The following LRMDA variants were observed in gnomAD, a reference collection of about 807,000 sequenced individuals.
LRMDA encodes the protein leucine-rich melanocyte differentiation-associated protein.
LRMDA carries 18 observed loss-of-function variants against 29.8 expected under a neutral mutation model. That is an observed-to-expected ratio of 0.60 (90% confidence interval 0.42 to 0.90). The LOEUF is 0.90. Ranked by LOEUF, LRMDA falls within the 40% of genes least tolerant of loss-of-function variation. The pLI is 0.00. For synonymous variants in LRMDA, 125 were observed against 109.4 expected (o/e 1.14, Z -0.89); for missense variants, 273 against 273.9 (o/e 1.00, Z 0.02).
chr10:75,898,319 A>G (rs1268226090), intron 2 of LRMDA, among the ~76,000 whole-genome samples: 1 of 152,208 alleles, frequency 6.6e-6, no homozygotes, highest in Non-Finnish European at 1.5e-5. Flanking sequence ...AGGACCTGGT[A>G]AGGGAAAGGG....
At chr10:76,510,991 T>C (rs1051614191) in intron 6 of LRMDA, among the ~76,000 whole-genome samples, 2 of 152,230 alleles carry the variant, frequency 1.3e-5, no homozygotes, top group Admixed American at 6.5e-5. Context: ...CTACACTTGA[T>C]AAAGCAGGGA....
intron 3 of LRMDA, among the ~76,000 whole-genome samples, chr10:76,038,923 T>C (rs1465076050): frequency 6.6e-6 from 1 of 152,232 alleles, no homozygotes; most frequent in East Asian, 1.9e-4. Context: ...GGGTCAGTCA[T>C]GCAGCCACAT....
intron 2 of LRMDA, among the ~76,000 whole-genome samples, chr10:75,713,695 T>G (rs1308948157): frequency 2.0e-5 from 3 of 152,230 alleles, no homozygotes; most frequent in African/African-American, 7.2e-5. Context: ...TTATAAAGTT[T>G]GAGAGTCTTC....
At chr10:76,211,960 T>C (rs1344200245) in intron 5 of LRMDA, among the ~76,000 whole-genome samples, 3 of 152,186 alleles carry the variant, frequency 2.0e-5, no homozygotes, top group Non-Finnish European at 2.9e-5. Flanking sequence ...CTCAAGTTGC[T>C]GTCTCATCAC....
At chr10:76,297,742 T>C (rs1840429215) in intron 5 of LRMDA, among the ~76,000 whole-genome samples, 1 of 152,154 alleles carries the variant, frequency 6.6e-6, no homozygotes, top group South Asian at 2.1e-4. Context: ...ATTATCACCA[T>C]TGCCCCCCTT....
intron 2 of LRMDA, among the ~76,000 whole-genome samples, chr10:76,015,149 T>C (rs1455026633): frequency 1.3e-5 from 2 of 152,250 alleles, no homozygotes. Context: ...GCCCCGGCAC[T>C]TTGCCAGGTG....
At chr10:75,637,599 C>G (rs560205144) in intron 2 of LRMDA, among the ~76,000 whole-genome samples, 2 of 152,194 alleles carry the variant, frequency 1.3e-5, no homozygotes, top group Non-Finnish European at 2.9e-5. Context: ...CACCAAGATC[C>G]TGAGCTATGG....
intron 2 of LRMDA, among the ~76,000 whole-genome samples, chr10:75,858,998 C>T (rs1292824300): frequency 6.6e-6 from 1 of 152,250 alleles, no homozygotes; most frequent in African/African-American, 2.4e-5. Context: ...TTGCTGTTTA[C>T]ACCCAAAGGT....
intron 6 of LRMDA, among the ~76,000 whole-genome samples, chr10:76,517,835 G>A (rs1843076837): frequency 6.6e-6 from 1 of 151,478 alleles, no homozygotes; most frequent in Middle Eastern, 3.4e-3. Flanking sequence ...ATTAATATAA[G>A]ATTTTTTAGA....
intron 2 of LRMDA, among the ~76,000 whole-genome samples, chr10:75,649,764 T>C (rs1228971659): frequency 6.6e-6 from 1 of 152,244 alleles, no homozygotes; most frequent in Non-Finnish European, 1.5e-5. Context: ...CCGATTTCTC[T>C]ACATCCTTGC....
intron 2 of LRMDA, among the ~76,000 whole-genome samples, chr10:75,545,260 G>T (rs910870057): frequency 6.6e-6 from 1 of 152,100 alleles, no homozygotes; most frequent in Non-Finnish European, 1.5e-5. Context: ...CTTGGTAAAA[G>T]TCCATCAATT....
chr10:75,817,803 G>A (rs751509743), intron 2 of LRMDA, among the ~76,000 whole-genome samples: 2 of 152,204 alleles, frequency 1.3e-5, no homozygotes, highest in Non-Finnish European at 2.9e-5. Context: ...GTTTTAGGTA[G>A]AATATTATTT....
intron 2 of LRMDA, among the ~76,000 whole-genome samples, chr10:75,800,852 C>CT (rs1287154104): frequency 6.6e-6 from 1 of 152,148 alleles, no homozygotes; most frequent in Non-Finnish European, 1.5e-5. Context: ...ATTCTGTTAT[C>CT]TCCCCCTGAA....
chr10:76,226,453 C>T (rs558897849), intron 5 of LRMDA, among the ~76,000 whole-genome samples: 8 of 152,036 alleles, frequency 5.3e-5, no homozygotes, highest in African/African-American at 9.6e-5. Context: ...CATGGTGGCA[C>T]GTGCCTGCAA....
At chr10:75,739,877 C>A (rs752643872) in intron 2 of LRMDA, among the ~76,000 whole-genome samples, 8 of 152,124 alleles carry the variant, frequency 5.3e-5, no homozygotes, top group Non-Finnish European at 1.2e-4. Context: ...AGGCAGCACA[C>A]ACAATGCAAT....
intron 2 of LRMDA, among the ~76,000 whole-genome samples, chr10:75,584,145 C>T (rs1840628973): frequency 6.6e-6 from 1 of 152,172 alleles, no homozygotes; most frequent in Non-Finnish European, 1.5e-5. Context: ...CTAGCCCCTT[C>T]CCCTGCCACC....
chr10:76,409,571 G>A (rs914553234), intron 6 of LRMDA, among the ~76,000 whole-genome samples: 1 of 151,942 alleles, frequency 6.6e-6, no homozygotes, highest in African/African-American at 2.4e-5. Context: ...CCTTTTTTTA[G>A]TGCATACATT....
At chr10:76,068,943 A>G (rs12256171) in intron 5 of LRMDA, among the ~76,000 whole-genome samples, 57,422 of 152,076 alleles carry the variant, frequency 0.38, 12,038 homozygotes, top group Non-Finnish European at 0.46. Flanking sequence ...TCTCATTTCA[A>G]AAGAAATTAT....
chr10:75,445,466 T>G (rs2132026950), intron 2 of LRMDA, among the ~76,000 whole-genome samples: 1 of 152,376 alleles, frequency 6.6e-6, no homozygotes, highest in East Asian at 1.9e-4. Flanking sequence ...TACCAGTTTC[T>G]TCTTCCAAGA....
Sources: allele counts gnomAD v4.1 joint callset (sites outside exome capture counted in the v4.1 genomes callset), GRCh38; gene constraint gnomAD v4.1.1; transcripts MANE v1.5; gene names NCBI Gene and HGNC (gene_info 2026-07-23, HGNC 2026-07-21).